CPQ: variants seen among roughly 807,000 people sequenced by gnomAD.
CPQ encodes the protein carboxypeptidase Q.
Under a neutral mutation model 45.7 loss-of-function variants are expected in CPQ, and 37 were observed. The observed-to-expected ratio is 0.81, with a 90% CI of 0.62 to 1.07. The LOEUF (loss-of-function observed/expected upper bound fraction) is 1.07, where lower values mean the gene tolerates loss of function less well. Ranked by LOEUF, CPQ falls within the 50% of genes least tolerant of loss-of-function variation. The pLI is 0.00. For synonymous variants in CPQ, 186 were observed against 205.8 expected (o/e 0.90, Z 0.82); for missense variants, 537 against 572.9 (o/e 0.94, Z 0.64).
intron 1 of CPQ, among the ~76,000 whole-genome samples, chr8:96,665,431 G>A (rs973486185): frequency 6.6e-6 from 1 of 152,180 alleles, no homozygotes; most frequent in Non-Finnish European, 1.5e-5. Context: ...GATTGAATAC[G>A]TGGGGAATGA....
At chr8:96,774,343 A>G (rs556623851) in intron 1 of CPQ, among the ~76,000 whole-genome samples, 2 of 152,184 alleles carry the variant, frequency 1.3e-5, no homozygotes, top group Non-Finnish European at 2.9e-5. Flanking sequence ...ATTCATAACC[A>G]TAATACTGAA....
chr8:97,129,952 T>C (rs1482049170), intron 7 of CPQ, among the ~76,000 whole-genome samples: 1 of 152,180 alleles, frequency 6.6e-6, no homozygotes, highest in Admixed American at 6.5e-5. Flanking sequence ...TCTACGCAAG[T>C]CCTGCTGCAC....
Position 96,879,995 on chromosome 8 carries a change from A to G in CPQ, c.839A>G (p.Tyr280Cys). 6.2e-7 allele frequency: 1 copy of G among 1,613,746 alleles called. No homozygotes were observed. Among genetic ancestry groups the G allele is most frequent in the Non-Finnish European group, 8.5e-7 (1 of 1,179,660 alleles). The change falls in exon 4 of 8, where the codon TAT (tyrosine) becomes TGT (cysteine). Residue 280 changes from tyrosine to cysteine, a missense_variant. Transcript: ENST00000220763. ...NTVAEITGSK[Y>C]PEQVVLVSGH... is the part of the protein sequence containing the mutation. ...GTAGCAGAGATCACTGGGAGCAAATATCCAGAACAGGTGAGTGAAGGAGAA... is the reference window on the plus strand; with the variant it reads ...GTAGCAGAGATCACTGGGAGCAAATGTCCAGAACAGGTGAGTGAAGGAGAA...
At position 96,787,044 on chromosome 8, in the gene CPQ, T is replaced by C. The variant is rs560777563; in HGVS notation, c.433+1714T>C. Among the ~76,000 whole-genome samples the C allele has an allele frequency of 2.0e-5, 3 of 152,128 alleles. No homozygotes were observed. The South Asian group carries it at 6.2e-4, about 31-fold the overall frequency. On this transcript the variant is annotated intron_variant, in intron 2 of 7. Transcript: ENST00000220763. ...TAATTTTTGATTAGTCCAACTAATT[T>C]ATTTTATTTCTTTTGTTGCCTGTGC...
intron 7 of CPQ, among the ~76,000 whole-genome samples, chr8:97,093,135 T>C (rs1461344175): frequency 2.6e-5 from 4 of 152,094 alleles, no homozygotes; most frequent in Non-Finnish European, 4.4e-5. Context: ...CTCACACCAG[T>C]CAGAGTGGCT....
chr8:96,985,674 G>C (rs1251791474), intron 5 of CPQ, among the ~76,000 whole-genome samples: 4 of 152,144 alleles, frequency 2.6e-5, no homozygotes, highest in Non-Finnish European at 5.9e-5. Context: ...TCCTCAATCA[G>C]TTTACCAACA....
At chr8:96,668,520 A>C (rs565246294) in intron 1 of CPQ, among the ~76,000 whole-genome samples, 13 of 152,330 alleles carry the variant, frequency 8.5e-5, no homozygotes, top group African/African-American at 2.9e-4. Flanking sequence ...GGAAAAAATG[A>C]AACATGTAGA....
chr8:96,967,517 A>G (rs1052162261), intron 5 of CPQ, among the ~76,000 whole-genome samples: 8 of 152,182 alleles, frequency 5.3e-5, no homozygotes, highest in Non-Finnish European at 8.8e-5. Flanking sequence ...ATCACTGTTA[A>G]TTGAATTGAA....
intron 6 of CPQ, among the ~76,000 whole-genome samples, chr8:97,036,454 A>G (rs1381981539): frequency 6.6e-6 from 1 of 152,240 alleles, no homozygotes; most frequent in Non-Finnish European, 1.5e-5. Flanking sequence ...ATTGCACTCT[A>G]GTGAATAAGA....
At chr8:96,827,919 T>C (rs1472891677) in intron 2 of CPQ, among the ~76,000 whole-genome samples, 6 of 152,140 alleles carry the variant, frequency 3.9e-5, no homozygotes, top group Admixed American at 3.9e-4. Flanking sequence ...CAGAGTAAGA[T>C]GTTGGCTTGT....
intron 6 of CPQ, among the ~76,000 whole-genome samples, chr8:97,053,148 CAT>C (rs1474935780): frequency 6.6e-6 from 1 of 152,190 alleles, no homozygotes; most frequent in African/African-American, 2.4e-5. Context: ...AATATACACA[CAT>C]ATGTGTTTAA....
intron 4 of CPQ, among the ~76,000 whole-genome samples, chr8:96,919,785 T>C (rs561541938): frequency 5.3e-5 from 8 of 152,304 alleles, no homozygotes; most frequent in African/African-American, 1.9e-4. Flanking sequence ...GTGACTTTGG[T>C]GTGGCCTAAT....
At chr8:96,962,898 T>G (rs1463459027) in intron 4 of CPQ, among the ~76,000 whole-genome samples, 1 of 152,200 alleles carries the variant, frequency 6.6e-6, no homozygotes, top group South Asian at 2.1e-4. Context: ...GCCCCAGTTT[T>G]TTTTTCTGAT....
intron 5 of CPQ, among the ~76,000 whole-genome samples, chr8:96,968,180 A>G (rs1252439552): frequency 2.0e-5 from 3 of 152,082 alleles, no homozygotes; most frequent in Non-Finnish European, 4.4e-5. Flanking sequence ...TCCCTTTACT[A>G]CTTAAGTCAC....
chr8:97,077,565 T>A (rs1810870398), intron 7 of CPQ, among the ~76,000 whole-genome samples: 1 of 152,374 alleles, frequency 6.6e-6, no homozygotes, highest in Non-Finnish European at 1.5e-5. Flanking sequence ...TATGTGCATA[T>A]GTTTTGACAA....
At chr8:97,097,559 C>T (rs1005629548) in intron 7 of CPQ, among the ~76,000 whole-genome samples, 5 of 152,140 alleles carry the variant, frequency 3.3e-5, no homozygotes, top group Non-Finnish European at 5.9e-5. Flanking sequence ...TGGCCTCTGT[C>T]GTGTAAGTAA....
chr8:96,655,706 T>C (rs1279951575), intron 1 of CPQ, among the ~76,000 whole-genome samples: 5 of 152,324 alleles, frequency 3.3e-5, no homozygotes, highest in South Asian at 2.1e-4. Flanking sequence ...AGTAAACCAA[T>C]TGTAATGTCA....
At chr8:97,054,385 T>G (rs1045211820) in intron 6 of CPQ, among the ~76,000 whole-genome samples, 1 of 152,130 alleles carries the variant, frequency 6.6e-6, no homozygotes, top group Non-Finnish European at 1.5e-5. Context: ...GAACTAAAAG[T>G]ATATCTACCA....
At chr8:96,738,739 C>T (rs1354700605) in intron 1 of CPQ, among the ~76,000 whole-genome samples, 1 of 152,146 alleles carries the variant, frequency 6.6e-6, no homozygotes, top group Non-Finnish European at 1.5e-5. Flanking sequence ...TGATAGTTTA[C>T]TGAGAATGAT....
Sources: allele counts gnomAD v4.1 joint callset (sites outside exome capture counted in the v4.1 genomes callset), GRCh38; gene constraint gnomAD v4.1.1; transcripts MANE v1.5; gene names NCBI Gene and HGNC (gene_info 2026-07-23, HGNC 2026-07-21).